Variants in USP48 observed in about 807,000 individuals in gnomAD.
The protein encoded by USP48 is ubiquitin carboxyl-terminal hydrolase 48.
Under a neutral mutation model 150.7 loss-of-function variants are expected in USP48, and 43 were observed. That is an observed-to-expected ratio of 0.29 (90% confidence interval 0.22 to 0.37). The LOEUF is 0.37. Among genes scored for constraint, USP48 ranks in the 10% least tolerant of loss-of-function variants. The probability of loss-of-function intolerance (pLI) is 1.00; values close to 1 mark genes in which losing one functional copy is unlikely to be tolerated. For synonymous variants in USP48, 396 were observed against 425.9 expected (o/e 0.93, Z 0.86); for missense variants, 813 against 1,249.6 (o/e 0.65, Z 5.27).
At chr1:21,716,613 C>T (rs766998193) in intron 14 of USP48, among the ~76,000 whole-genome samples, 5 of 152,202 alleles carry the variant, frequency 3.3e-5, no homozygotes, top group Non-Finnish European at 5.9e-5. Flanking sequence ...TTTGCTTTTG[C>T]TGTTAACATT....
chr1:21,715,072 A>T, intron 15 of USP48: 1 of 233,234 alleles, frequency 4.3e-6, no homozygotes, highest in South Asian at 6.4e-5. Flanking sequence ...AGATAAAAAA[A>T]TAAATAAAAA....
chr1:21,765,529 C>CT (rs2097859517), intron 1 of USP48, among the ~76,000 whole-genome samples: 1 of 151,526 alleles, frequency 6.6e-6, no homozygotes, highest in African/African-American at 2.4e-5. Context: ...AGGCAGAAGG[C>CT]TCGCTTGAAC....
intron 25 of USP48, 71 bp downstream of exon 25, chr1:21,687,119 AG>A: frequency 6.9e-6 from 10 of 1,443,788 alleles, no homozygotes; most frequent in Non-Finnish European, 9.6e-6. Context: ...TGTACACTAA[AG>A]CTTCAATATC....
In USP48 at chr1:21,690,031, A is replaced by T. The variant is rs368269099; in HGVS notation, c.2952T>A (p.Asp984Glu). 2 of 1,614,106 alleles carry T rather than the reference A, an allele frequency of 1.2e-6. No homozygotes were observed. Among genetic ancestry groups the T allele is most frequent in the African/African-American group, 2.7e-5 (2 of 74,940 alleles). Residue 984 changes from aspartate to glutamate, a missense_variant, in exon 24 of 27, where the codon GAT (aspartate) becomes GAA (glutamate). Transcript: ENST00000308271. ...NLSIDGKILS[D>E]DCATLGTLGV... ...CAAGGGTGCCTAGGGTGGCACAGTC[A>T]TCACTTAAAATCTTTCCATCAATTG... is the stretch of plus-strand genomic sequence containing the variant.
At chr1:21,701,669 G>C in intron 21 of USP48, 67 bp from the exon 22 acceptor site, 3 of 1,400,484 alleles carry the variant, frequency 2.1e-6, no homozygotes, top group Non-Finnish European at 2.0e-6. Flanking sequence ...GGAGGATGTG[G>C]GGGCTGGGAC....
intron 14 of USP48, among the ~76,000 whole-genome samples, chr1:21,719,587 G>A (rs910986153): frequency 1.3e-5 from 2 of 152,116 alleles, no homozygotes; most frequent in African/African-American, 4.8e-5. Flanking sequence ...CTTATCTCTA[G>A]AATTTAAAAG....
rs573624003 is a variant in USP48, at chr1:21,778,984, C to T, written c.134+3840G>A. Among the ~76,000 whole-genome samples, 1,093 of 151,940 alleles carry T rather than the reference C, an allele frequency of 7.2e-3. 4 individuals carry two copies. Among genetic ancestry groups the T allele is most frequent in the South Asian group, 0.014 (65 of 4,808 alleles). On this transcript the variant is annotated intron_variant, in intron 1 of 26. Coordinates refer to ENST00000308271, the MANE Select transcript of USP48 (RefSeq NM_032236.8). The stretch of plus-strand genomic sequence containing the variant: ...TTTTAGTAGAGACGGAGTTTCACCA[C>T]GTTAGCCAGGATGGTCTCGATCTCC...
At chr1:21,760,621 G>A (rs1055883282) in intron 1 of USP48, among the ~76,000 whole-genome samples, 5 of 152,088 alleles carry the variant, frequency 3.3e-5, no homozygotes, top group Admixed American at 1.3e-4. Context: ...GGCTGAGGCA[G>A]GAGAAATCAC....
At chr1:21,690,924 C>A (rs981156732) in intron 23 of USP48, among the ~76,000 whole-genome samples, 2 of 152,156 alleles carry the variant, frequency 1.3e-5, no homozygotes, top group Non-Finnish European at 2.9e-5. Context: ...TTGGAACTGT[C>A]ACATATTCTT....
intron 1 of USP48, among the ~76,000 whole-genome samples, chr1:21,759,989 C>T (rs1313041112): frequency 6.6e-6 from 1 of 152,156 alleles, no homozygotes; most frequent in African/African-American, 2.4e-5. Flanking sequence ...ACAGACACCA[C>T]CTTAACCAAA....
intron 11 of USP48, 30 bp downstream of exon 11, chr1:21,728,540 A>C: frequency 6.2e-7 from 1 of 1,600,138 alleles, no homozygotes; most frequent in Non-Finnish European, 8.5e-7. Flanking sequence ...ACTTAATGGC[A>C]ACAGTGCTGT....
At chr1:21,752,438 T>C (rs2097818766) in intron 5 of USP48, 89 bp downstream of exon 5, 2 of 1,484,716 alleles carry the variant, frequency 1.3e-6, no homozygotes, top group South Asian at 2.5e-5. Context: ...CCACTAAAGC[T>C]ACAACCTGGA....
intron 18 of USP48, 33 bp downstream of exon 18, chr1:21,706,090 TAAC>T: frequency 6.3e-7 from 1 of 1,598,738 alleles, no homozygotes; most frequent in Non-Finnish European, 8.6e-7. Flanking sequence ...ACCAAATCAG[TAAC>T]AATAAAGGAA....
chr1:21,684,860 G>C (rs1482224468), intron 25 of USP48, among the ~76,000 whole-genome samples: 1 of 152,082 alleles, frequency 6.6e-6, no homozygotes, highest in African/African-American at 2.4e-5. Flanking sequence ...CTGTAAATAC[G>C]TGAATTTATT....
chr1:21,778,360 A>C (rs769817573), intron 1 of USP48, among the ~76,000 whole-genome samples: 1 of 152,146 alleles, frequency 6.6e-6, no homozygotes, highest in Admixed American at 6.6e-5. Context: ...TAGGATGGCT[A>C]AAAGAAAAAA....
Position 21,760,884 on chromosome 1 carries a change from G to A in USP48, c.135-3101C>T, listed in dbSNP as rs778603748. ...CTGAGGCAGGCGATCACCTGAGGTCGGGATTTCGAGACCAGCCTGACCAAC... is the reference window on the plus strand; with the variant it reads ...CTGAGGCAGGCGATCACCTGAGGTCAGGATTTCGAGACCAGCCTGACCAAC... On this transcript the variant is annotated intron_variant, in intron 1 of 26. Coordinates refer to ENST00000308271, the MANE Select transcript of USP48 (RefSeq NM_032236.8). 2.0e-5 allele frequency among the ~76,000 whole-genome samples: 3 copies of A among 151,220 alleles called. No individual in the cohort carries two copies. The South Asian group carries it at 6.3e-4, about 32-fold the overall frequency.
intron 25 of USP48, among the ~76,000 whole-genome samples, chr1:21,683,419 C>G (rs1396020878): frequency 6.6e-6 from 1 of 152,074 alleles, no homozygotes; most frequent in African/African-American, 2.4e-5. Flanking sequence ...GGGTCTCAAT[C>G]TGTCACCCAG....
intron 26 of USP48, 54 bp from the exon 27 acceptor site, chr1:21,679,493 C>T (rs375305360): frequency 6.2e-7 from 1 of 1,603,032 alleles, no homozygotes; most frequent in Non-Finnish European, 8.5e-7. Flanking sequence ...ATTAAAAGTT[C>T]ATGGATTCCA....
chr1:21,750,983 C>G (rs2097811075), intron 6 of USP48, among the ~76,000 whole-genome samples: 1 of 151,916 alleles, frequency 6.6e-6, no homozygotes, highest in Non-Finnish European at 1.5e-5. Context: ...TATCTGAAGA[C>G]AGCTAGCTAG....
Sources: gnomAD v4.1 joint callset for allele counts (sites outside exome capture counted in the v4.1 genomes callset) on GRCh38, gnomAD v4.1.1 for gene constraint, MANE v1.5 for transcripts, NCBI Gene and HGNC (gene_info 2026-07-23, HGNC 2026-07-21) for gene names.